Variants in MYH14 observed in about 807,000 individuals in gnomAD.
MYH14 encodes myosin-14.
Under a neutral mutation model 255.5 loss-of-function variants are expected in MYH14, and 123 were observed. That is an observed-to-expected ratio of 0.48 (90% confidence interval 0.42 to 0.56). MYH14 has a LOEUF of 0.56. Ranked by LOEUF, MYH14 falls within the 20% of genes least tolerant of loss-of-function variation. The pLI is 0.00. For missense variants in MYH14, 2,423 were observed against 2,802.3 expected (o/e 0.86, Z 3.06); for synonymous variants, 1,095 against 1,161.2 (o/e 0.94, Z 1.16).
chr19:50,210,688 A>G lies in MYH14; in HGVS notation c.323A>G (p.Glu108Gly). 6.4e-7 allele frequency: 1 copy of G among 1,570,578 alleles called. No individual in the cohort carries two copies. The highest frequency in any genetic ancestry group is 8.6e-7 in the Non-Finnish European group (1 of 1,159,720). Residue 108 changes from glutamate (E) to glycine (G), a missense_variant, in exon 2 of 43, where the codon GAG becomes GGG. Glu to Gly is a moderately conservative substitution (Grantham distance 98). Coordinates refer to ENST00000642316, the MANE Select transcript of MYH14 (RefSeq NM_001145809.2). ...AACCCGCCCAAGTTCAGCAAGGCCG[A>G]GGACATGGCCGAGCTGACCTGCCTC... Reference protein sequence around the residue: ...RMNPPKFSKAEDMAELTCLNE... With the variant: ...RMNPPKFSKAGDMAELTCLNE...
chr19:50,268,135 C>T (rs1317171156), intron 23 of MYH14, 26 bp from the exon 24 acceptor site: 1 of 1,533,642 alleles, frequency 6.5e-7, no homozygotes, highest in Non-Finnish European at 8.8e-7. Context: ...TGCCTGCTGA[C>T]CACTAACCTC....
intron 25 of MYH14, 37 bp from the exon 26 acceptor site, chr19:50,271,812 T>C: frequency 6.2e-7 from 1 of 1,610,996 alleles, no homozygotes; most frequent in Non-Finnish European, 8.5e-7. Flanking sequence ...CTGGCCCAAC[T>C]CCTCCTGACT....
At chr19:50,232,195 G>A (rs2123238962) in intron 10 of MYH14, 125 bp downstream of exon 10, 3 of 1,201,012 alleles carry the variant, frequency 2.5e-6, no homozygotes, top group African/African-American at 1.5e-5. Flanking sequence ...CAGGCACCGG[G>A]GCCAGAGCAG....
At chr19:50,298,353 A>G (rs2036352888) in intron 39 of MYH14, among the ~76,000 whole-genome samples, 1 of 151,936 alleles carries the variant, frequency 6.6e-6, no homozygotes, top group Non-Finnish European at 1.5e-5. Context: ...GCAAATTATG[A>G]TCAAGGAACC....
At position 50,308,992 on chromosome 19, in the gene MYH14, T is replaced by G; in HGVS notation, c.5788-13T>G. ...ACCTGGAGATATAACCCAGTCCCCCTGCTTCCATCAAGCTGGAGAAGGGAA... is the reference window on the plus strand; with the variant it reads ...ACCTGGAGATATAACCCAGTCCCCCGGCTTCCATCAAGCTGGAGAAGGGAA... On this transcript the variant is annotated splice_polypyrimidine_tract_variant and intron_variant, in intron 41 of 42. Coordinates refer to ENST00000642316, the MANE Select transcript of MYH14 (RefSeq NM_001145809.2). 6.2e-7 allele frequency: 1 copy of G among 1,603,448 alleles called. No homozygotes were observed. The highest frequency in any genetic ancestry group is 8.5e-7 in the Non-Finnish European group (1 of 1,174,688).
intron 1 of MYH14, among the ~76,000 whole-genome samples, chr19:50,203,964 T>C (rs1010081132): frequency 4.6e-5 from 7 of 152,088 alleles, no homozygotes; most frequent in Non-Finnish European, 7.4e-5. Context: ...GAGGCTGTCT[T>C]TGGAACCTCG....
chr19:50,232,136 T>G, intron 10 of MYH14, 66 bp downstream of exon 10: 1 of 1,584,616 alleles, frequency 6.3e-7, no homozygotes, highest in Non-Finnish European at 8.6e-7. Flanking sequence ...ACCTGGCCAT[T>G]CATGCCCCGA....
chr19:50,297,586 C>T (rs956448203), intron 39 of MYH14, among the ~76,000 whole-genome samples: 12 of 141,374 alleles, frequency 8.5e-5, no homozygotes, highest in Non-Finnish European at 1.5e-4. Flanking sequence ...CAACCTTCAC[C>T]TCCCGGGTTC....
chr19:50,303,190 C>T lies in MYH14; in HGVS notation c.5678+1321C>T, dbSNP rs151272512. On this transcript the variant is annotated intron_variant, in intron 40 of 42. Transcript: ENST00000642316. ...GGCTTGGTGGGCTTCACTCATCATC[C>T]GCTCAGTTGAGGGTCAGCTAGATGG... Among the ~76,000 whole-genome samples, 46 of 152,174 alleles carry T rather than the reference C, an allele frequency of 3.0e-4. No individual in the cohort carries two copies. In the East Asian group the frequency reaches 7.9e-3, roughly 26 times the overall value.
At chr19:50,240,798 A>C (rs560373199) in intron 10 of MYH14, among the ~76,000 whole-genome samples, 18 of 151,692 alleles carry the variant, frequency 1.2e-4, no homozygotes, top group African/African-American at 2.9e-4. Flanking sequence ...AAAATAAAAA[A>C]ATAAAAACAG....
rs201626325 is a variant in MYH14, at chr19:50,293,355, T to C, written c.5345+34T>C. On this transcript the variant is annotated intron_variant, in intron 38 of 42. Coordinates refer to ENST00000642316, the MANE Select transcript of MYH14 (RefSeq NM_001145809.2). This position sits in a 1 kb window ranked among gnomAD's most constrained non-coding sequence, Gnocchi z 4.1. ...CCCAAGGGTCTGAAGGCTGAGGTAC[T>C]GCGTCTGCAGGAGGTGAAGCTGGGG... 1.9e-6 allele frequency: 3 copies of C among 1,561,154 alleles called. No homozygotes were observed. The highest frequency in any genetic ancestry group is 2.6e-6 in the Non-Finnish European group (3 of 1,146,854).
chr19:50,304,831 A>G (rs946379733), intron 40 of MYH14, among the ~76,000 whole-genome samples: 3 of 152,160 alleles, frequency 2.0e-5, no homozygotes, highest in Non-Finnish European at 4.4e-5. Context: ...TGGGAAGGGT[A>G]TCTAGAGGAG....
intron 33 of MYH14, among the ~76,000 whole-genome samples, chr19:50,284,588 C>T (rs2035830371): frequency 6.6e-6 from 1 of 151,100 alleles, no homozygotes; most frequent in South Asian, 2.1e-4. Flanking sequence ...GACAGGGTTT[C>T]ACTATGTTGG....
chr19:50,250,162 G>A lies in MYH14; in HGVS notation c.1656+339G>A, dbSNP rs1338771310. Among the ~76,000 whole-genome samples, 2 of 152,122 alleles carry A rather than the reference G, an allele frequency of 1.3e-5. No individual in the cohort carries two copies. Among genetic ancestry groups the A allele is most frequent in the African/African-American group, 2.4e-5 (1 of 41,420 alleles). On this transcript the variant is annotated intron_variant, in intron 14 of 42. Coordinates refer to ENST00000642316, the MANE Select transcript of MYH14 (RefSeq NM_001145809.2). This position sits in a 1 kb window ranked among gnomAD's most constrained non-coding sequence, Gnocchi z 5.4. ...ATCGCCCAGGCTGGAGTGCAGCGGC[G>A]CGATCTCTGCTTACTGCAAGCTTCG...
chr19:50,243,494 G>A (rs1266072559), intron 10 of MYH14, among the ~76,000 whole-genome samples: 1 of 152,152 alleles, frequency 6.6e-6, no homozygotes, highest in Admixed American at 6.5e-5. Context: ...CAGAGGTGGT[G>A]GTACACACCC....
chr19:50,299,816 G>A (rs563364726), intron 39 of MYH14, among the ~76,000 whole-genome samples: 48 of 151,808 alleles, frequency 3.2e-4, no homozygotes, highest in Admixed American at 1.1e-3. Context: ...GTGGTGGTGC[G>A]TGCCTGTAAT....
chr19:50,242,456 A>C (rs1434415941), intron 10 of MYH14, among the ~76,000 whole-genome samples: 2 of 152,134 alleles, frequency 1.3e-5, no homozygotes, highest in Non-Finnish European at 2.9e-5. Context: ...GAGCCAAGCA[A>C]AAGGGGTTTC....
At position 50,257,305 on chromosome 19, in the gene MYH14, G is replaced by A; in HGVS notation, c.2051G>A (p.Gly684Asp). 2 of 1,600,778 alleles carry A rather than the reference G, an allele frequency of 1.2e-6. No homozygotes were observed. Among genetic ancestry groups the A allele is most frequent in the Non-Finnish European group, 1.7e-6 (2 of 1,171,722 alleles). ...CTGCATCTCCATCTGACAGTGGAGG[G>A]CATCGTGGGGCTGGAACAGGTGAGC... ...SSAISPPGVE[G>D]IVGLEQVSSL... The change falls in exon 18 of 43, where the codon GGC becomes GAC. Residue 684 changes from glycine to aspartate, a missense_variant. By Grantham distance (94) the Gly-to-Asp change is moderately conservative. Coordinates refer to ENST00000642316, the MANE Select transcript of MYH14 (RefSeq NM_001145809.2).
chr19:50,278,707 A>G (rs974343671), intron 30 of MYH14, among the ~76,000 whole-genome samples: 1 of 151,784 alleles, frequency 6.6e-6, no homozygotes, highest in Non-Finnish European at 1.5e-5. Context: ...CTGTCTCAAA[A>G]TAATAATAAT....
Sources: gnomAD v4.1 joint callset for allele counts (sites outside exome capture counted in the v4.1 genomes callset) on GRCh38, gnomAD v4.1.1 for gene constraint, Gnocchi (gnomAD v3.1) non-coding constraint, MANE v1.5 for transcripts, NCBI Gene and HGNC (gene_info 2026-07-23, HGNC 2026-07-21) for gene names.